TRPM3: variants seen among roughly 807,000 people sequenced by gnomAD.
TRPM3 encodes the protein long transient receptor potential channel 3.
TRPM3 carries 77 observed loss-of-function variants against 181.2 expected under a neutral mutation model. That is an observed-to-expected ratio of 0.42 (90% confidence interval 0.35 to 0.51). The LOEUF (loss-of-function observed/expected upper bound fraction) is 0.51, where lower values mean the gene tolerates loss of function less well. TRPM3 is among the 20% of genes least tolerant of loss of function. TRPM3 has a pLI of 0.01. For missense variants in TRPM3, 1,759 were observed against 2,196.7 expected (o/e 0.80, Z 3.98); for synonymous variants, 745 against 796.4 (o/e 0.94, Z 1.09).
At chr9:70,546,049 G>A (rs531765417) in intron 25 of TRPM3, among the ~76,000 whole-genome samples, 8 of 152,234 alleles carry the variant, frequency 5.3e-5, no homozygotes, top group Admixed American at 5.2e-4. Flanking sequence ...TTGTTAAGTC[G>A]ACATTGATCA....
At chr9:70,953,641 G>C (rs1442394054) in intron 1 of TRPM3, among the ~76,000 whole-genome samples, 1 of 152,102 alleles carries the variant, frequency 6.6e-6, no homozygotes, top group Non-Finnish European at 1.5e-5. Flanking sequence ...ACAAACCCAA[G>C]AATTTGGGTT....
intron 8 of TRPM3, among the ~76,000 whole-genome samples, chr9:70,687,437 C>T (rs992000006): frequency 6.6e-6 from 1 of 152,122 alleles, no homozygotes; most frequent in South Asian, 2.1e-4. Context: ...TTTCAACATG[C>T]ACCCTAAAAC....
intron 8 of TRPM3, among the ~76,000 whole-genome samples, chr9:70,752,041 TGTGTGTGTGCGCGC>T (rs1445067784): frequency 1.0e-4 from 12 of 117,834 alleles, no homozygotes; most frequent in Middle Eastern, 8.1e-3. Flanking sequence ...TGTGTGTGTG[TGTGTGTGTGCGCGC>T]GCGCGCGCAT....
chr9:70,894,604 T>C (rs756016697), intron 1 of TRPM3, among the ~76,000 whole-genome samples: 3 of 152,114 alleles, frequency 2.0e-5, no homozygotes, highest in Non-Finnish European at 2.9e-5. Flanking sequence ...CATTGAACTT[T>C]AGGATAAAAT....
In TRPM3 at chr9:71,066,840, T is replaced by G. The variant is rs982666235; in HGVS notation, c.177+54338A>C. 5.3e-5 allele frequency among the ~76,000 whole-genome samples: 8 copies of G among 152,352 alleles called. No homozygotes were observed. In the East Asian group the frequency reaches 1.5e-3, roughly 29 times the overall value. On this transcript the variant is annotated intron_variant, in intron 1 of 25. Coordinates refer to ENST00000677713, the MANE Select transcript of TRPM3 (RefSeq NM_001366145.2). ...GTCTCTCTTGGCCCCTGTTCCCTCT[T>G]TTTATCTAGTCTCACTAGTGTCCAC...
At chr9:71,321,949 GA>G (rs1049974805) in intron 1 of TRPM3, among the ~76,000 whole-genome samples, 1 of 151,920 alleles carries the variant, frequency 6.6e-6, no homozygotes, top group East Asian at 1.9e-4. Context: ...GTCACAGAAG[GA>G]AAAAATGAGG....
chr9:71,029,265 T>C (rs1456218047), intron 1 of TRPM3, among the ~76,000 whole-genome samples: 1 of 152,180 alleles, frequency 6.6e-6, no homozygotes, highest in Admixed American at 6.5e-5. Flanking sequence ...TTAAAATATT[T>C]GAGTGTCTGA....
intron 1 of TRPM3, among the ~76,000 whole-genome samples, chr9:70,999,406 G>GT (rs1389408878): frequency 2.0e-5 from 3 of 152,080 alleles, no homozygotes; most frequent in Non-Finnish European, 4.4e-5. Flanking sequence ...GCTGTACCTG[G>GT]GCCTGAACGT....
intron 8 of TRPM3, among the ~76,000 whole-genome samples, chr9:70,739,960 G>T (rs1015458719): frequency 6.6e-6 from 1 of 152,124 alleles, no homozygotes; most frequent in Non-Finnish European, 1.5e-5. Flanking sequence ...GCACTGGAAA[G>T]CCCTAGCCAG....
chr9:71,134,507 G>T (rs73465395), intron 1 of TRPM3, among the ~76,000 whole-genome samples: 1 of 144,930 alleles, frequency 6.9e-6, no homozygotes, highest in Non-Finnish European at 1.5e-5. Flanking sequence ...AGCCAAGATC[G>T]TGACAGTGCA....
chr9:70,674,162 A>G (rs1487454975), intron 9 of TRPM3, among the ~76,000 whole-genome samples: 2 of 152,110 alleles, frequency 1.3e-5, no homozygotes, highest in Non-Finnish European at 2.9e-5. Flanking sequence ...AATTAGAAAT[A>G]TTTTTTATTA....
At chr9:70,785,665 G>C (rs2083445621) in intron 6 of TRPM3, among the ~76,000 whole-genome samples, 1 of 152,082 alleles carries the variant, frequency 6.6e-6, no homozygotes, top group South Asian at 2.1e-4. Context: ...TTTAGGATTT[G>C]GTTTCTTGCT....
intron 1 of TRPM3, among the ~76,000 whole-genome samples, chr9:70,984,930 C>T (rs1345390697): frequency 6.6e-6 from 1 of 152,206 alleles, no homozygotes; most frequent in Admixed American, 6.5e-5. Context: ...TGAGGTCATT[C>T]AGAGTTTCCT....
chr9:71,350,840 G>A (rs2091583050), intron 1 of TRPM3, among the ~76,000 whole-genome samples: 1 of 152,138 alleles, frequency 6.6e-6, no homozygotes, highest in Non-Finnish European at 1.5e-5. Context: ...GTACCTTCCA[G>A]TGAGAACATT....
At chr9:71,018,184 C>A (rs1482009516) in intron 1 of TRPM3, among the ~76,000 whole-genome samples, 1 of 150,648 alleles carries the variant, frequency 6.6e-6, no homozygotes, top group Non-Finnish European at 1.5e-5. Flanking sequence ...AGCTGTACTT[C>A]CAGAGAAAAT....
At chr9:70,797,666 A>G (rs1431550200) in intron 6 of TRPM3, among the ~76,000 whole-genome samples, 1 of 152,218 alleles carries the variant, frequency 6.6e-6, no homozygotes, top group Non-Finnish European at 1.5e-5. Flanking sequence ...TTTCAAGAGA[A>G]GGAATTTTTC....
chr9:70,541,530 A>T (rs144828669), intron 25 of TRPM3, among the ~76,000 whole-genome samples: 2,112 of 89,824 alleles, frequency 0.024, 48 homozygotes, highest in African/African-American at 0.085. Flanking sequence ...TTTTTTTTTG[A>T]GATGGAGTTT....
At chr9:70,991,555 G>GTTGT (rs1554792516) in intron 1 of TRPM3, among the ~76,000 whole-genome samples, 1 of 124,536 alleles carries the variant, frequency 8.0e-6, no homozygotes, top group Non-Finnish European at 1.6e-5. Flanking sequence ...CTATGTGTCT[G>GTTGT]TTTTTTTTTT....
chr9:71,077,761 G>A (rs1481190529), intron 1 of TRPM3, among the ~76,000 whole-genome samples: 1 of 152,042 alleles, frequency 6.6e-6, no homozygotes, highest in East Asian at 1.9e-4. Flanking sequence ...CCTGAGGCAG[G>A]TATACACAAC....
Sources: allele counts gnomAD v4.1 joint callset (sites outside exome capture counted in the v4.1 genomes callset), GRCh38; gene constraint gnomAD v4.1.1; transcripts MANE v1.5; gene names NCBI Gene and HGNC (gene_info 2026-07-23, HGNC 2026-07-21).